SGCZ: variants seen among roughly 807,000 people sequenced by gnomAD.
SGCZ encodes the protein sarcoglycan zeta, also known as zeta-sarcoglycan.
A neutral mutation model predicts 41.3 loss-of-function variants in SGCZ; 40 were observed. The observed-to-expected ratio is 0.97, with a 90% CI of 0.75 to 1.26. The LOEUF (loss-of-function observed/expected upper bound fraction) is 1.26. Among genes scored for constraint, SGCZ ranks in the 50% most tolerant of loss-of-function variants. The pLI is 0.00. For synonymous variants in SGCZ, 206 were observed against 137.5 expected (o/e 1.50, Z -3.49); for missense variants, 552 against 369.8 (o/e 1.49, Z -4.04).
chr8:14,500,546 CAA>C (rs947078164), intron 2 of SGCZ, among the ~76,000 whole-genome samples: 5 of 151,026 alleles, frequency 3.3e-5, no homozygotes, highest in African/African-American at 1.2e-4. Context: ...CAAGATACAG[CAA>C]AAAAAGTCAA....
At chr8:14,939,984 A>G (rs1442127336) in intron 1 of SGCZ, among the ~76,000 whole-genome samples, 1 of 152,190 alleles carries the variant, frequency 6.6e-6, no homozygotes, top group Non-Finnish European at 1.5e-5. Context: ...CTTAGGGATT[A>G]GCACAGCAGA....
chr8:14,336,810 G>C (rs1802521026), intron 2 of SGCZ, among the ~76,000 whole-genome samples: 2 of 152,124 alleles, frequency 1.3e-5, no homozygotes, highest in South Asian at 4.1e-4. Context: ...AACTGGAACT[G>C]TTTCTTCTGT....
intron 1 of SGCZ, among the ~76,000 whole-genome samples, chr8:15,055,454 G>A (rs1282174607): frequency 6.6e-6 from 1 of 152,098 alleles, no homozygotes; most frequent in Non-Finnish European, 1.5e-5. Context: ...GCAGAAACAG[G>A]TAATGCATGA....
intron 1 of SGCZ, among the ~76,000 whole-genome samples, chr8:14,589,046 G>C (rs1289695631): frequency 6.6e-6 from 1 of 151,972 alleles, no homozygotes; most frequent in Admixed American, 6.6e-5. Context: ...TCCATCAATT[G>C]TGTGACCTTT....
At chr8:14,765,104 G>A (rs1799999774) in intron 1 of SGCZ, among the ~76,000 whole-genome samples, 1 of 152,140 alleles carries the variant, frequency 6.6e-6, no homozygotes, top group Admixed American at 6.5e-5. Flanking sequence ...GTGGCCCAGA[G>A]CTCACAGTTT....
At chr8:15,174,424 C>A (rs1799938928) in intron 1 of SGCZ, among the ~76,000 whole-genome samples, 1 of 152,116 alleles carries the variant, frequency 6.6e-6, no homozygotes, top group Non-Finnish European at 1.5e-5. Flanking sequence ...AACAGAACCC[C>A]AGAACTTGCT....
At chr8:15,172,633 AC>A (rs1799879522) in intron 1 of SGCZ, among the ~76,000 whole-genome samples, 1 of 152,072 alleles carries the variant, frequency 6.6e-6, no homozygotes, top group East Asian at 1.9e-4. Context: ...TACCAAAGAA[AC>A]TCTTGTCAAA....
chr8:14,648,082 C>T (rs1032739659), intron 1 of SGCZ, among the ~76,000 whole-genome samples: 1 of 151,668 alleles, frequency 6.6e-6, no homozygotes, highest in African/African-American at 2.4e-5. Context: ...AGGGAGTGAC[C>T]TAAGCAGGCA....
At chr8:14,718,654 T>G (rs778317231) in intron 1 of SGCZ, among the ~76,000 whole-genome samples, 1 of 4,008 alleles carries the variant, frequency 2.5e-4, no homozygotes, top group Non-Finnish European at 8.9e-4. Context: ...AGGAGTATGC[T>G]ATAATAAAAA....
chr8:14,815,805 G>A (rs776535890), intron 1 of SGCZ, among the ~76,000 whole-genome samples: 23 of 152,218 alleles, frequency 1.5e-4, no homozygotes, highest in Non-Finnish European at 3.1e-4. Context: ...GTGGTATTAT[G>A]GAATAAAACT....
At chr8:14,231,726 A>T (rs1279087699) in intron 4 of SGCZ, among the ~76,000 whole-genome samples, 1 of 152,196 alleles carries the variant, frequency 6.6e-6, no homozygotes, top group African/African-American at 2.4e-5. Flanking sequence ...GTTGTTAAAA[A>T]TAGGGCATAT....
At chr8:14,428,979 C>A (rs149305631) in intron 2 of SGCZ, among the ~76,000 whole-genome samples, 1 of 152,020 alleles carries the variant, frequency 6.6e-6, no homozygotes, top group Admixed American at 6.6e-5. Context: ...AATCAGATTA[C>A]GGAAGAGGTA....
intron 1 of SGCZ, among the ~76,000 whole-genome samples, chr8:14,708,175 G>A (rs956915363): frequency 2.7e-5 from 4 of 150,764 alleles, no homozygotes; most frequent in East Asian, 1.9e-4. Context: ...ATTTTCATTC[G>A]ATTTTGTCTA....
At chr8:14,309,410 C>G in intron 3 of SGCZ, 2 of 1,606,674 alleles carry the variant, frequency 1.2e-6, no homozygotes, top group Non-Finnish European at 1.7e-6. Flanking sequence ...TCGCTTTTGG[C>G]TAGAGACACT....
chr8:14,556,076 T>C (rs1804026441), intron 1 of SGCZ, among the ~76,000 whole-genome samples: 1 of 151,888 alleles, frequency 6.6e-6, no homozygotes, highest in Non-Finnish European at 1.5e-5. Flanking sequence ...TTTTTTACTG[T>C]CTTATACAAC....
At chr8:14,713,828 C>T (rs1809600074) in intron 1 of SGCZ, among the ~76,000 whole-genome samples, 1 of 151,966 alleles carries the variant, frequency 6.6e-6, no homozygotes, top group South Asian at 2.1e-4. Context: ...GGGAGTCCTT[C>T]AGGGAAAAAT....
At chr8:14,390,838 A>T (rs1804745555) in intron 2 of SGCZ, among the ~76,000 whole-genome samples, 1 of 152,056 alleles carries the variant, frequency 6.6e-6, no homozygotes, top group South Asian at 2.1e-4. Context: ...GATTATAGAG[A>T]TATTGATTAA....
intron 2 of SGCZ, among the ~76,000 whole-genome samples, chr8:14,376,786 T>A (rs1220598236): frequency 1.3e-5 from 2 of 152,150 alleles, no homozygotes; most frequent in African/African-American, 4.8e-5. Flanking sequence ...TAGATAAAAT[T>A]TTAGCTAGCA....
At chr8:14,850,792 C>T (rs1280464357) in intron 1 of SGCZ, among the ~76,000 whole-genome samples, 1 of 152,102 alleles carries the variant, frequency 6.6e-6, no homozygotes, top group Non-Finnish European at 1.5e-5. Flanking sequence ...AGTGAGTTCT[C>T]AGGACACCTG....
Sources: gnomAD v4.1 joint callset for allele counts (sites outside exome capture counted in the v4.1 genomes callset) on GRCh38, gnomAD v4.1.1 for gene constraint, MANE v1.5 for transcripts, NCBI Gene and HGNC (gene_info 2026-07-23, HGNC 2026-07-21) for gene names.